The following HOMEZ variants were observed in gnomAD, a reference collection of about 807,000 sequenced individuals.
The protein encoded by HOMEZ is homeobox and leucine zipper encoding.
HOMEZ carries 20 observed loss-of-function variants against 50.1 expected under a neutral mutation model. The observed-to-expected ratio is 0.40, with a 90% CI of 0.28 to 0.58. The LOEUF (loss-of-function observed/expected upper bound fraction) is 0.58. HOMEZ is among the 20% of genes least tolerant of loss of function. The pLI, the probability that HOMEZ is intolerant of heterozygous loss-of-function variation, is 0.46. For missense variants in HOMEZ, 579 were observed against 680.5 expected (o/e 0.85, Z 1.66); for synonymous variants, 239 against 254.7 (o/e 0.94, Z 0.59).
Position 23,276,273 on chromosome 14 carries a change from T to C in HOMEZ, c.955A>G (p.Ser319Gly), listed in dbSNP as rs773408201. Residue 319 changes from serine to glycine, a missense_variant, in exon 2 of 2, where the codon AGT (serine) becomes GGT (glycine). Coordinates refer to ENST00000357460, the MANE Select transcript of HOMEZ (RefSeq NM_020834.3). This position sits in a 1 kb window ranked among gnomAD's most constrained non-coding sequence, Gnocchi z 4.1. ...LGCVPQSVSP[S>G]EQALPPHLEP... ...AGATGTGGGGGTAATGCCTGTTCAC[T>C]GGGTGACACTGACTGTGGGACACAG... 1.9e-6 allele frequency: 3 copies of C among 1,613,916 alleles called. No individual in the cohort carries two copies. Among genetic ancestry groups the C allele is most frequent in the Admixed American group, 1.7e-5 (1 of 60,016 alleles).
intron 1 of HOMEZ, among the ~76,000 whole-genome samples, chr14:23,277,826 TGTGTGTGTGTGC>T (rs1166690325): frequency 6.6e-6 from 1 of 151,652 alleles, no homozygotes; most frequent in Non-Finnish European, 1.5e-5. Flanking sequence ...TGTGTGTGTC[TGTGTGTGTGTGC>T]GTGTGTTTTG....
intron 1 of HOMEZ, among the ~76,000 whole-genome samples, chr14:23,280,774 T>TTTTATTTTA (rs1886532702): frequency 7.6e-6 from 1 of 131,778 alleles, no homozygotes; most frequent in African/African-American, 2.8e-5. Context: ...TTTTATTTTA[T>TTTTATTTTA]TTTATTTTAT....
chr14:23,278,413 T>G (rs1321990438), intron 1 of HOMEZ, among the ~76,000 whole-genome samples: 1 of 152,222 alleles, frequency 6.6e-6, no homozygotes, highest in East Asian at 1.9e-4. Context: ...TTGCCTAGGC[T>G]GGAGTGCAGT....
rs1491264699 is a variant in HOMEZ at position 23,280,754 on chromosome 14, T to TTTTA, written c.41-3571_41-3568dup. Among the ~76,000 whole-genome samples the TTTTA allele has an allele frequency of 5.4e-5, 5 of 93,356 alleles. 1 individual carries two copies. The highest frequency in any genetic ancestry group is 7.3e-4 in the East Asian group (2 of 2,756). The allele number at this position is 93,356 out of a possible 152,430, so 61.2% of individuals were successfully genotyped here. A position where few individuals can be genotyped will look rare whatever the true frequency, so the allele number is the denominator to read the frequency against. On this transcript the variant is annotated intron_variant, in intron 1 of 1. Coordinates refer to ENST00000357460, the MANE Select transcript of HOMEZ (RefSeq NM_020834.3). ...TATTTTATTTTATTATTTTATTTTA[T>TTTTA]TTTATTTTATTTTATTTTATTTTAT... is the stretch of plus-strand genomic sequence containing the variant.
At chr14:23,282,333 G>C (rs1197898448) in intron 1 of HOMEZ, among the ~76,000 whole-genome samples, 1 of 152,082 alleles carries the variant, frequency 6.6e-6, no homozygotes, top group Non-Finnish European at 1.5e-5. Context: ...TTAAAAAAAT[G>C]TATGAAAACC....
chr14:23,274,279 T>C lies in HOMEZ; in HGVS notation c.*1296A>G, dbSNP rs1235817420. Reference sequence around the variant, plus strand: ...GAAAAGTCTCTTTTCTGGAAACAAATTGACAGCAAAAAGATGAAAAATTAG... The same window carrying C: ...GAAAAGTCTCTTTTCTGGAAACAAACTGACAGCAAAAAGATGAAAAATTAG... On this transcript the variant is annotated 3_prime_UTR_variant, in exon 2 of 2. Coordinates refer to ENST00000357460, the MANE Select transcript of HOMEZ (RefSeq NM_020834.3). 6.6e-6 allele frequency: 1 copy of C among 152,500 alleles called. No homozygotes were observed. Among genetic ancestry groups the C allele is most frequent in the Non-Finnish European group, 1.5e-5 (1 of 68,016 alleles). The allele number at this position is 152,500 out of a possible 1,614,324, so 9.4% of individuals were successfully genotyped here.
chr14:23,276,075 C>G lies in HOMEZ; in HGVS notation c.1153G>C (p.Asp385His). The change falls in exon 2 of 2, where the codon GAT (aspartate) becomes CAT (histidine). Residue 385 changes from aspartate (D) to histidine (H), a missense_variant. By Grantham distance (81) the Asp-to-His change is moderately conservative. Coordinates refer to ENST00000357460, the MANE Select transcript of HOMEZ (RefSeq NM_020834.3). The surrounding 1 kb of genome is among the most constrained non-coding windows in gnomAD (Gnocchi z 4.1). ...FLQCQWARRE[D>H]YQKLEQITGL... ...GTGATCTGTTCTAACTTTTGGTAAT[C>G]CTCACGCCGTGCCCACTGGCACTGT... 1 of 1,613,978 alleles carries G rather than the reference C, an allele frequency of 6.2e-7. No individual in the cohort carries two copies. The highest frequency in any genetic ancestry group is 1.1e-5 in the South Asian group (1 of 91,080).
chr14:23,280,709 A>ATC (rs1555323544), intron 1 of HOMEZ, among the ~76,000 whole-genome samples: 1 of 49,800 alleles, frequency 2.0e-5, no homozygotes, highest in Admixed American at 2.3e-4. Flanking sequence ...TTATATTTTT[A>ATC]TTTTTATTTT....
At chr14:23,280,992 A>C (rs1886543725) in intron 1 of HOMEZ, among the ~76,000 whole-genome samples, 1 of 151,190 alleles carries the variant, frequency 6.6e-6, no homozygotes, top group Non-Finnish European at 1.5e-5. Context: ...GATGGTCTTG[A>C]TCTCCTGACC....
Position 23,275,416 on chromosome 14 carries a change from G to T in HOMEZ, c.*159C>A. 1 of 852,066 alleles carries T rather than the reference G, an allele frequency of 1.2e-6. No individual in the cohort carries two copies. Among genetic ancestry groups the T allele is most frequent in the South Asian group, 1.9e-5 (1 of 53,182 alleles). The allele number at this position is 852,066 out of a possible 1,614,324, so 52.8% of individuals were successfully genotyped here. ...TAGTGCCCTATGGTCATTCTCCCTG[G>T]TCCACCCTCACTATATCCCCCTGCC... On this transcript the variant is annotated 3_prime_UTR_variant, in exon 2 of 2. Transcript: ENST00000357460.
Position 23,274,916 on chromosome 14 carries a change from AAAAG to A in HOMEZ, c.*655_*658del, listed in dbSNP as rs1257005559. On this transcript the variant is annotated 3_prime_UTR_variant, in exon 2 of 2. Coordinates refer to ENST00000357460, the MANE Select transcript of HOMEZ (RefSeq NM_020834.3). ...GCAAGACTCCACCTCAAAAAAAAAAAAAAGAACTGAAAAATTCTGCCACCTGTGA... is the reference window on the plus strand; with the variant it reads ...GCAAGACTCCACCTCAAAAAAAAAAAAACTGAAAAATTCTGCCACCTGTGA... 1 of 152,234 alleles carries A rather than the reference AAAAG, an allele frequency of 6.6e-6. No homozygotes were observed. The highest frequency in any genetic ancestry group is 1.5e-5 in the Non-Finnish European group (1 of 68,118). The allele number at this position is 152,234 out of a possible 1,614,324, so 9.4% of individuals were successfully genotyped here.
rs780250411 is a variant in HOMEZ at position 23,275,602 on chromosome 14, ATC to A, written c.1624_1625del (p.Asp542Ter). 1.2e-5 allele frequency: 18 copies of A among 1,536,490 alleles called. No individual in the cohort carries two copies. The South Asian group carries it at 2.2e-4, about 19-fold the overall frequency. On this transcript the variant is annotated frameshift_variant, in exon 2 of 2. Transcript: ENST00000357460. LOFTEE classifies it high-confidence loss of function. Reference protein sequence around the residue: ...EEEEEEDDDDDDDDVIIQD With the variant: ...EEEEEEDDDDXDDDVIIQD ...AGTCTTGTATGATCACATCATCATC[ATC>A]ATCATCATCATCTTCCTCCTCCTCC...
At position 23,275,735 on chromosome 14, in the gene HOMEZ, C is replaced by T; in HGVS notation, c.1493G>A (p.Trp498Ter). 1 of 1,613,242 alleles carries T rather than the reference C, an allele frequency of 6.2e-7. No individual in the cohort carries two copies. The highest frequency in any genetic ancestry group is 8.5e-7 in the Non-Finnish European group (1 of 1,179,584). ...TGGCTGAGGTAATCGAGAGTCAAAC[C>T]AATCCAGCACCTGCTGGGTGCTAAG... ...SRLSTQQVLD[W>*]FDSRLPQPAE... Residue 498 changes from tryptophan (W) to a stop codon, truncating the protein, a stop_gained, in exon 2 of 2, where the codon TGG becomes TAG. Transcript: ENST00000357460. LOFTEE classifies it high-confidence loss of function.
chr14:23,281,268 TCTAA>T (rs1886549977), intron 1 of HOMEZ, among the ~76,000 whole-genome samples: 1 of 152,148 alleles, frequency 6.6e-6, no homozygotes, highest in Admixed American at 6.5e-5. Flanking sequence ...AACAAGCAAA[TCTAA>T]CTAACTGAGG....
At position 23,272,703 on chromosome 14, in the gene HOMEZ, A is replaced by G; in HGVS notation, c.*2872T>C. ...TAGTTATCATGCAATGAAGAAAACT[A>G]TGGGGAAGCAAAAGCAGTGGTGTCT... is the stretch of plus-strand genomic sequence containing the variant. On this transcript the variant is annotated 3_prime_UTR_variant, in exon 2 of 2. Transcript: ENST00000357460. 1.4e-6 allele frequency: 1 copy of G among 706,404 alleles called. No homozygotes were observed. The highest frequency in any genetic ancestry group is 2.5e-6 in the Non-Finnish European group (1 of 394,820). The allele number at this position is 706,404 out of a possible 1,614,324, so 43.8% of individuals were successfully genotyped here.
In HOMEZ at chr14:23,275,492, T is replaced by C. The variant is rs1423924098; in HGVS notation, c.*83A>G. On this transcript the variant is annotated 3_prime_UTR_variant, in exon 2 of 2. Transcript: ENST00000357460. ...TTTAGTTCTCTGCCACAAGGTAATT[T>C]TAAAAATGTGGTTTCTTTGTTTAAA... 7 of 1,460,710 alleles carry C rather than the reference T, an allele frequency of 4.8e-6. No homozygotes were observed. The highest frequency in any genetic ancestry group is 6.3e-6 in the Non-Finnish European group (7 of 1,104,324). The allele number at this position is 1,460,710 out of a possible 1,614,324, so 90.5% of individuals were successfully genotyped here. A position where few individuals can be genotyped will look rare whatever the true frequency, so the allele number is the denominator to read the frequency against.
At position 23,277,060 on chromosome 14, in the gene HOMEZ, C is replaced by T. The variant is rs1057119; in HGVS notation, c.168G>A (p.Thr56=). 5.9e-5 allele frequency: 96 copies of T among 1,613,866 alleles called. No individual in the cohort carries two copies. Among genetic ancestry groups the T allele is most frequent in the Admixed American group, 1.0e-4 (6 of 60,020 alleles). ...CTAGCTCACTGGTCTGGGCTGCTTGCGTCCACACAAGCTGTAGCTCCTCAG... is the reference window on the plus strand; with the variant it reads ...CTAGCTCACTGGTCTGGGCTGCTTGTGTCCACACAAGCTGTAGCTCCTCAG... ...PISEELQLVW[T]QAAQTSELDS... Residue 56 remains threonine, a synonymous_variant, in exon 2 of 2, where the codon ACG becomes ACA. Coordinates refer to ENST00000357460, the MANE Select transcript of HOMEZ (RefSeq NM_020834.3).
chr14:23,284,453 G>A (rs1350729041), intron 1 of HOMEZ, among the ~76,000 whole-genome samples: 1 of 152,230 alleles, frequency 6.6e-6, no homozygotes, highest in East Asian at 1.9e-4. Context: ...TAAAGGCTAA[G>A]TAGGCTGCTA....
At chr14:23,280,717 T>TA (rs1335157373) in intron 1 of HOMEZ, among the ~76,000 whole-genome samples, 1 of 64,932 alleles carries the variant, frequency 1.5e-5, no homozygotes, top group African/African-American at 6.0e-5. Context: ...TTATTTTTAT[T>TA]TTATTTTATT....
Sources: gnomAD v4.1 joint callset for allele counts (sites outside exome capture counted in the v4.1 genomes callset) on GRCh38, gnomAD v4.1.1 for gene constraint, Gnocchi (gnomAD v3.1) non-coding constraint, MANE v1.5 for transcripts, NCBI Gene and HGNC (gene_info 2026-07-23, HGNC 2026-07-21) for gene names.